KIAA1217: variants seen among roughly 807,000 people sequenced by gnomAD.
KIAA1217 encodes the protein KIAA1217.
A neutral mutation model predicts 163.9 loss-of-function variants in KIAA1217; 88 were observed. That is an observed-to-expected ratio of 0.54 (90% CI 0.45 to 0.64). The LOEUF is 0.64. KIAA1217 is among the 30% of genes least tolerant of loss of function. The probability of loss-of-function intolerance (pLI) is 0.00; values close to 1 mark genes in which losing one functional copy is unlikely to be tolerated. For missense variants in KIAA1217, 2,372 were observed against 2,475.0 expected (o/e 0.96, Z 0.88); for synonymous variants, 903 against 923.1 (o/e 0.98, Z 0.39).
chr10:23,786,412 C>T (rs1835495484), intron 1 of KIAA1217, among the ~76,000 whole-genome samples: 1 of 151,852 alleles, frequency 6.6e-6, no homozygotes, highest in Admixed American at 6.6e-5. Context: ...AGTCATGCCT[C>T]TATGACAACA....
At chr10:24,097,741 A>G (rs2062218887) in intron 2 of KIAA1217, among the ~76,000 whole-genome samples, 1 of 152,252 alleles carries the variant, frequency 6.6e-6, no homozygotes, top group Non-Finnish European at 1.5e-5. Flanking sequence ...GTCATATTTC[A>G]AAGACTGTCT....
At chr10:24,471,838 G>T (rs1009575634) in intron 5 of KIAA1217, among the ~76,000 whole-genome samples, 13 of 141,070 alleles carry the variant, frequency 9.2e-5, no homozygotes. Flanking sequence ...ACTGAGCTGA[G>T]ATTGCGCCAC....
chr10:24,539,373 C>T (rs568190042), intron 17 of KIAA1217, among the ~76,000 whole-genome samples: 16 of 152,176 alleles, frequency 1.1e-4, no homozygotes, highest in African/African-American at 2.6e-4. Flanking sequence ...GGACTACAGG[C>T]GTGCACCACC....
intron 5 of KIAA1217, among the ~76,000 whole-genome samples, chr10:24,461,326 T>TTTTTTG (rs976740905): frequency 1.3e-5 from 2 of 152,082 alleles, no homozygotes; most frequent in Non-Finnish European, 2.9e-5. Flanking sequence ...ATAACATTCT[T>TTTTTTG]TTTTTGTTTT....
At chr10:23,800,774 G>A (rs1191738925) in intron 1 of KIAA1217, among the ~76,000 whole-genome samples, 2 of 152,182 alleles carry the variant, frequency 1.3e-5, no homozygotes, top group Non-Finnish European at 2.9e-5. Context: ...ACTACAATGA[G>A]ATACCATCGC....
At chr10:24,313,843 GTTTTTTTT>G (rs35876174) in intron 2 of KIAA1217, among the ~76,000 whole-genome samples, 1 of 113,430 alleles carries the variant, frequency 8.8e-6, no homozygotes, top group Non-Finnish European at 1.8e-5. Context: ...CCATCTGGTT[GTTTTTTTT>G]TTTTTTTTTT....
At chr10:23,740,270 T>C (rs12244549) in intron 1 of KIAA1217, among the ~76,000 whole-genome samples, 3,726 of 152,290 alleles carry the variant, frequency 0.024, 165 homozygotes, top group African/African-American at 0.084. Flanking sequence ...CTTTTGACTT[T>C]GATTTGTTCA....
At chr10:24,293,636 A>G (rs985264670) in intron 2 of KIAA1217, among the ~76,000 whole-genome samples, 1 of 152,312 alleles carries the variant, frequency 6.6e-6, no homozygotes, top group African/African-American at 2.4e-5. Context: ...TCCCCTTTGG[A>G]CTTGGAGTTC....
intron 1 of KIAA1217, among the ~76,000 whole-genome samples, chr10:23,954,892 A>G (rs1468277832): frequency 6.6e-6 from 1 of 152,132 alleles, no homozygotes; most frequent in Non-Finnish European, 1.5e-5. Flanking sequence ...AAAATAATAG[A>G]AAGAACATAC....
intron 1 of KIAA1217, among the ~76,000 whole-genome samples, chr10:23,810,514 A>G (rs867766694): frequency 1.1e-4 from 15 of 138,184 alleles, no homozygotes; most frequent in African/African-American, 3.2e-4. Context: ...TATATATACT[A>G]TAGATAATCT....
chr10:23,909,157 A>T (rs1433613640), intron 1 of KIAA1217, among the ~76,000 whole-genome samples: 1 of 152,126 alleles, frequency 6.6e-6, no homozygotes. Flanking sequence ...AGCTATGAGG[A>T]TTCAAAGGCA....
intron 1 of KIAA1217, among the ~76,000 whole-genome samples, chr10:23,884,789 G>A (rs144929419): frequency 5.3e-5 from 8 of 152,030 alleles, no homozygotes; most frequent in Admixed American, 5.2e-4. Context: ...CTTCAATGCA[G>A]GCTTCAGGTT....
intron 2 of KIAA1217, among the ~76,000 whole-genome samples, chr10:24,249,003 A>ACTAG (rs1383344083): frequency 3.7e-4 from 57 of 152,364 alleles, no homozygotes; most frequent in Non-Finnish European, 6.9e-4. Flanking sequence ...AATTTCAAAC[A>ACTAG]CTAGCTCCTG....
rs1156820799 is a variant in KIAA1217 at position 24,055,294 on chromosome 10, T to G, written c.-171+47920T>G. 6.6e-5 allele frequency among the ~76,000 whole-genome samples: 10 copies of G among 152,266 alleles called. No homozygotes were observed. The East Asian group carries it at 1.9e-3, about 29-fold the overall frequency. On this transcript the variant is annotated intron_variant, in intron 2 of 18. Coordinates refer to the KIAA1217 transcript ENST00000376462. ...AAAATAAAAAGAAAAAGAATTTTCTTGGAAATTTATATTTAAAATGATGGA... is the reference window on the plus strand; with the variant it reads ...AAAATAAAAAGAAAAAGAATTTTCTGGGAAATTTATATTTAAAATGATGGA...
chr10:24,189,653 A>T (rs2066619845), intron 2 of KIAA1217, among the ~76,000 whole-genome samples: 1 of 152,160 alleles, frequency 6.6e-6, no homozygotes, highest in African/African-American at 2.4e-5. Context: ...AGAAATGGAG[A>T]TCCAAAGACC....
intron 2 of KIAA1217, among the ~76,000 whole-genome samples, chr10:24,022,924 C>G (rs1279521565): frequency 7.5e-6 from 1 of 133,118 alleles, no homozygotes; most frequent in Non-Finnish European, 1.7e-5. Flanking sequence ...TATACTTGAT[C>G]TGAAAAAAAA....
intron 1 of KIAA1217, among the ~76,000 whole-genome samples, chr10:23,873,111 C>T (rs1840538227): frequency 6.6e-6 from 1 of 152,010 alleles, no homozygotes; most frequent in Admixed American, 6.6e-5. Flanking sequence ...TATTCTGATA[C>T]CAGGAATAGA....
chr10:23,948,321 A>G (rs1370310094), intron 1 of KIAA1217, among the ~76,000 whole-genome samples: 1 of 152,218 alleles, frequency 6.6e-6, no homozygotes, highest in African/African-American at 2.4e-5. Context: ...GCAGTACCTG[A>G]CAAATAGTTT....
intron 2 of KIAA1217, among the ~76,000 whole-genome samples, chr10:24,194,291 C>G (rs1440129162): frequency 8.2e-6 from 1 of 121,788 alleles, no homozygotes; most frequent in Non-Finnish European, 1.7e-5. Flanking sequence ...CCTCTCCCCT[C>G]CCCTCCTCTC....
Sources: allele counts gnomAD v4.1 joint callset (sites outside exome capture counted in the v4.1 genomes callset), GRCh38; gene constraint gnomAD v4.1.1; transcripts MANE v1.5; gene names NCBI Gene and HGNC (gene_info 2026-07-23, HGNC 2026-07-21).